The following GSG1L variants were observed in gnomAD, a reference collection of about 807,000 sequenced individuals.
GSG1L encodes germ cell-specific gene 1-like protein.
GSG1L carries 24 observed loss-of-function variants against 42.1 expected under a neutral mutation model. The observed-to-expected ratio is 0.57, with a 90% CI of 0.41 to 0.80. The LOEUF is 0.80. Ranked by LOEUF, GSG1L falls within the 30% of genes least tolerant of loss-of-function variation. The pLI, the probability that GSG1L is intolerant of heterozygous loss-of-function variation, is 0.00. For synonymous variants in GSG1L, 215 were observed against 203.5 expected (o/e 1.06, Z -0.48); for missense variants, 445 against 472.2 (o/e 0.94, Z 0.53).
intron 2 of GSG1L, among the ~76,000 whole-genome samples, chr16:27,934,645 G>A (rs1667992611): frequency 6.6e-6 from 1 of 152,198 alleles, no homozygotes; most frequent in South Asian, 2.1e-4. Flanking sequence ...ACCCAGAGGA[G>A]CATGGCACCA....
chr16:27,962,828 C>G (rs2085084876), intron 2 of GSG1L, among the ~76,000 whole-genome samples: 1 of 152,196 alleles, frequency 6.6e-6, no homozygotes, highest in Non-Finnish European at 1.5e-5. Flanking sequence ...GAGGCAAACC[C>G]CAACACCAGT....
chr16:27,911,332 C>T (rs1271785988), intron 2 of GSG1L, among the ~76,000 whole-genome samples: 1 of 147,300 alleles, frequency 6.8e-6, no homozygotes, highest in African/African-American at 2.5e-5. Flanking sequence ...ACTCTGTCAC[C>T]CAGGCTGGAG....
intron 3 of GSG1L, among the ~76,000 whole-genome samples, chr16:27,871,484 A>G (rs949563864): frequency 6.6e-6 from 1 of 152,146 alleles, no homozygotes; most frequent in African/African-American, 2.4e-5. Context: ...TCTACAAAAA[A>G]TACAAACAAT....
chr16:27,814,969 A>T (rs2083078373), intron 5 of GSG1L, among the ~76,000 whole-genome samples: 1 of 151,866 alleles, frequency 6.6e-6, no homozygotes, highest in African/African-American at 2.4e-5. Context: ...CCACTCTGTC[A>T]CCCAGGCTTG....
intron 3 of GSG1L, among the ~76,000 whole-genome samples, chr16:27,855,889 C>T (rs2083571583): frequency 6.6e-6 from 1 of 151,994 alleles, no homozygotes; most frequent in Non-Finnish European, 1.5e-5. Flanking sequence ...ACACCGGGTG[C>T]TCTGTTCTGG....
chr16:27,888,460 CT>C (rs200667142), intron 2 of GSG1L, among the ~76,000 whole-genome samples: 2 of 15,962 alleles, frequency 1.3e-4, no homozygotes, highest in African/African-American at 1.3e-4. Context: ...TTCTTTCTTT[CT>C]TTCTCTCTCT....
At position 27,979,730 on chromosome 16, in the gene GSG1L, A is replaced by AAGGAAGGAAGGAAG. The variant is rs1567542974; in HGVS notation, c.350-16528_350-16527insCTTCCTTCCTTCCT. The stretch of plus-strand genomic sequence containing the variant: ...AGGAAGGAAGGAAGGAAGGAAGGAA[A>AAGGAAGGAAGGAAG]GAAAAAGAAAGAAAGAAAGGAAAGA... On this transcript the variant is annotated intron_variant, in intron 1 of 6. Coordinates refer to ENST00000447459, the MANE Select transcript of GSG1L (RefSeq NM_001109763.2). Among the ~76,000 whole-genome samples, 65 of 62,278 alleles carry AAGGAAGGAAGGAAG rather than the reference A, an allele frequency of 1.0e-3. 4 individuals are homozygous for AAGGAAGGAAGGAAG. Among genetic ancestry groups the AAGGAAGGAAGGAAG allele is most frequent in the African/African-American group, 3.6e-3 (62 of 17,216 alleles). 40.9% of individuals were successfully genotyped at this position (62,278 alleles called of 152,430 possible).
intron 4 of GSG1L, among the ~76,000 whole-genome samples, chr16:27,831,685 G>T (rs538800108): frequency 6.6e-6 from 1 of 152,316 alleles, no homozygotes; most frequent in South Asian, 2.1e-4. Flanking sequence ...CTATGCGGTG[G>T]AGCAGAGCCA....
At chr16:27,828,411 CCCACAGCTGGGT>C (rs1260273570) in intron 5 of GSG1L, among the ~76,000 whole-genome samples, 1 of 152,216 alleles carries the variant, frequency 6.6e-6, no homozygotes, top group Non-Finnish European at 1.5e-5. Context: ...CATCACCAAT[CCCACAGCTGGGT>C]CCTCTTTTCA....
chr16:28,031,765 T>G (rs112067997), intron 1 of GSG1L, among the ~76,000 whole-genome samples: 18 of 152,318 alleles, frequency 1.2e-4, no homozygotes, highest in African/African-American at 4.3e-4. Context: ...GCTACATTAG[T>G]TAATGCCGCC....
intron 2 of GSG1L, among the ~76,000 whole-genome samples, chr16:27,911,556 C>G (rs2084391385): frequency 6.6e-6 from 1 of 152,090 alleles, no homozygotes; most frequent in Admixed American, 6.5e-5. Flanking sequence ...CCTCCCATCC[C>G]TTTCTCTCTT....
intron 1 of GSG1L, among the ~76,000 whole-genome samples, chr16:27,968,042 C>T (rs1451288567): frequency 6.6e-6 from 1 of 152,120 alleles, no homozygotes; most frequent in African/African-American, 2.4e-5. Context: ...TTCAGACCAA[C>T]ACCCGAGGCC....
At chr16:27,802,287 A>C (rs948720400) in intron 6 of GSG1L, among the ~76,000 whole-genome samples, 2 of 152,130 alleles carry the variant, frequency 1.3e-5, no homozygotes, top group African/African-American at 4.8e-5. Context: ...GGAATAAATA[A>C]AGCAGCCTGC....
rs531163981 is a variant in GSG1L, at chr16:27,870,774, C to T, written c.550+13712G>A. On this transcript the variant is annotated intron_variant, in intron 3 of 6. Coordinates refer to ENST00000447459, the MANE Select transcript of GSG1L (RefSeq NM_001109763.2). ...GCATCTGCATCCTCCATGACTCCCA[C>T]CCTTGCCCTGCAGTTTGTGGACCAT... 1.8e-4 allele frequency among the ~76,000 whole-genome samples: 27 copies of T among 151,698 alleles called. No individual in the cohort carries two copies. In the South Asian group the frequency reaches 5.2e-3, roughly 29 times the overall value.
intron 3 of GSG1L, 43 bp from the exon 4 acceptor site, chr16:27,845,104 G>T: frequency 7.3e-7 from 1 of 1,375,026 alleles, no homozygotes; most frequent in Non-Finnish European, 1.0e-6. Context: ...AAGTAAGGAA[G>T]GGCTTTGTCC....
intron 2 of GSG1L, among the ~76,000 whole-genome samples, chr16:27,909,381 CTTTTTT>C (rs34041209): frequency 8.5e-6 from 1 of 117,808 alleles, no homozygotes; most frequent in Non-Finnish European, 1.7e-5. Flanking sequence ...TCTTCTTTTT[CTTTTTT>C]TTTTTTTTTT....
intron 5 of GSG1L, among the ~76,000 whole-genome samples, chr16:27,808,409 A>G (rs1846254652): frequency 6.1e-5 from 9 of 148,520 alleles, no homozygotes; most frequent in Admixed American, 6.0e-4. Context: ...TCTTAACTAC[A>G]TTAAAACACA....
At chr16:28,001,187 G>C (rs1388867138) in intron 1 of GSG1L, among the ~76,000 whole-genome samples, 1 of 152,164 alleles carries the variant, frequency 6.6e-6, no homozygotes, top group Non-Finnish European at 1.5e-5. Flanking sequence ...AGGCGACTGG[G>C]ATCCTGGACT....
At chr16:27,830,786 C>T (rs1215668751) in intron 4 of GSG1L, among the ~76,000 whole-genome samples, 6 of 152,204 alleles carry the variant, frequency 3.9e-5, no homozygotes, top group Non-Finnish European at 7.3e-5. Flanking sequence ...CCTGGGATGT[C>T]TCTTTATACT....
Sources: gnomAD v4.1 joint callset for allele counts (sites outside exome capture counted in the v4.1 genomes callset) on GRCh38, gnomAD v4.1.1 for gene constraint, MANE v1.5 for transcripts, NCBI Gene and HGNC (gene_info 2026-07-23, HGNC 2026-07-21) for gene names.